The following TESK2 variants were observed in gnomAD, a reference collection of about 807,000 sequenced individuals.
The protein encoded by TESK2 is testis associated actin remodelling kinase 2.
Under a neutral mutation model 57.1 loss-of-function variants are expected in TESK2, and 39 were observed. That is an observed-to-expected ratio of 0.68 (90% CI 0.53 to 0.89). The LOEUF (loss-of-function observed/expected upper bound fraction) is 0.89. Ranked by LOEUF, TESK2 falls within the 40% of genes least tolerant of loss-of-function variation. TESK2 has a pLI of 0.00. For synonymous variants in TESK2, 249 were observed against 267.9 expected, an observed-to-expected ratio of 0.93 and a Z score of 0.69; for missense variants, 646 against 732.1, an observed-to-expected ratio of 0.88 and a Z score of 1.36.
At chr1:45,485,527 T>A (rs1288232883) in intron 1 of TESK2, among the ~76,000 whole-genome samples, 1 of 146,578 alleles carries the variant, frequency 6.8e-6, no homozygotes, top group Non-Finnish European at 1.5e-5. Context: ...TATTTTATTT[T>A]TTTTTTTTTG....
chr1:45,345,235 C>T lies in TESK2; in HGVS notation c.1321G>A (p.Ala441Thr). The stretch of plus-strand genomic sequence containing the variant: ...GGGGCCAGGGGCTCCTGCCAGTCAG[C>T]CAGGGGCATAGTTCCGGGCCCTGGT... ...DAPGPGTMPL[A>T]DWQEPLAPPI... The change falls in exon 11 of 11, where the codon GCT becomes ACT. Residue 441 changes from alanine (A) to threonine (T), a missense_variant. By Grantham distance (58) the Ala-to-Thr change is moderately conservative. Coordinates refer to ENST00000372086, the MANE Select transcript of TESK2 (RefSeq NM_007170.3). 6.2e-7 allele frequency: 1 copy of T among 1,614,186 alleles called. No individual in the cohort carries two copies. Among genetic ancestry groups the T allele is most frequent in the Non-Finnish European group, 8.5e-7 (1 of 1,180,044 alleles).
At chr1:45,443,694 T>C (rs1390749410) in intron 2 of TESK2, among the ~76,000 whole-genome samples, 1 of 151,976 alleles carries the variant, frequency 6.6e-6, no homozygotes, top group Admixed American at 6.6e-5. Context: ...GTCCTTAAGT[T>C]ACCTGCACTA....
intron 1 of TESK2, among the ~76,000 whole-genome samples, chr1:45,478,394 T>TCCCAGAC (rs1443570758): frequency 4.6e-5 from 7 of 152,220 alleles, no homozygotes; most frequent in African/African-American, 1.7e-4. Flanking sequence ...GACTATGAGC[T>TCCCAGAC]TCCAGACTAT....
At chr1:45,429,828 T>C (rs931580558) in intron 2 of TESK2, among the ~76,000 whole-genome samples, 3 of 152,144 alleles carry the variant, frequency 2.0e-5, no homozygotes, top group Admixed American at 6.5e-5. Flanking sequence ...CTGAAGTTAG[T>C]TGATACTAAC....
chr1:45,357,559 TAAAA>T (rs775657953), intron 4 of TESK2, among the ~76,000 whole-genome samples: 1 of 115,032 alleles, frequency 8.7e-6, no homozygotes. Flanking sequence ...GCTTTTTTAG[TAAAA>T]AAAAAAAAAA....
At chr1:45,408,131 C>T (rs553343003) in intron 3 of TESK2, among the ~76,000 whole-genome samples, 41 of 152,222 alleles carry the variant, frequency 2.7e-4, no homozygotes, top group Non-Finnish European at 5.1e-4. Flanking sequence ...TTGTTTACTT[C>T]CCTGTTTTGA....
At chr1:45,366,601 C>T (rs759876625) in intron 4 of TESK2, among the ~76,000 whole-genome samples, 12 of 152,140 alleles carry the variant, frequency 7.9e-5, no homozygotes, top group Non-Finnish European at 1.5e-4. Flanking sequence ...TGTACTATAA[C>T]ATTTATGGCA....
chr1:45,432,430 G>C (rs1019042421), intron 2 of TESK2, among the ~76,000 whole-genome samples: 7 of 151,810 alleles, frequency 4.6e-5, no homozygotes, highest in African/African-American at 1.7e-4. Context: ...GGTGGCTCAC[G>C]CCTGTAATCC....
rs1301535491 is a variant in TESK2, at chr1:45,491,072, C to T, written c.-307G>A. On this transcript the variant is annotated 5_prime_UTR_variant, in exon 1 of 11. Coordinates refer to ENST00000372086, the MANE Select transcript of TESK2 (RefSeq NM_007170.3). ...CATGGCCCCACAGTCGGGGCCGCTC[C>T]CCCCGCCTGTTTGGCGGGGCCAGGA... is the stretch of plus-strand genomic sequence containing the variant. The T allele has an allele frequency of 6.6e-6, 1 of 152,266 alleles. No individual in the cohort carries two copies. The highest frequency in any genetic ancestry group is 2.4e-5 in the African/African-American group (1 of 41,460). 9.4% of individuals were successfully genotyped at this position (152,266 alleles called of 1,614,324 possible).
chr1:45,383,259 G>T (rs4660852), intron 4 of TESK2, among the ~76,000 whole-genome samples: 40,779 of 152,018 alleles, frequency 0.27, 5,768 homozygotes, highest in Admixed American at 0.4. Context: ...ATATAGTTGT[G>T]CTGCCAAGTC....
At chr1:45,465,953 T>G (rs1652533570) in intron 1 of TESK2, among the ~76,000 whole-genome samples, 1 of 152,026 alleles carries the variant, frequency 6.6e-6, no homozygotes, top group Admixed American at 6.6e-5. Context: ...AAAATTTAAT[T>G]CAAGAAAAGG....
At chr1:45,436,463 G>A (rs1651230238) in intron 2 of TESK2, among the ~76,000 whole-genome samples, 1 of 138,746 alleles carries the variant, frequency 7.2e-6, no homozygotes, top group Non-Finnish European at 1.5e-5. Flanking sequence ...GGGATCATGA[G>A]CCACCGTGCC....
At chr1:45,418,476 A>G (rs1650337661) in intron 3 of TESK2, among the ~76,000 whole-genome samples, 1 of 152,208 alleles carries the variant, frequency 6.6e-6, no homozygotes, top group South Asian at 2.1e-4. Context: ...TTTCTGGATA[A>G]TTTGACCCAA....
intron 3 of TESK2, among the ~76,000 whole-genome samples, chr1:45,407,763 G>A (rs113181359): frequency 2.8e-4 from 42 of 152,218 alleles, no homozygotes; most frequent in African/African-American, 9.4e-4. Flanking sequence ...GTGGAACTAC[G>A]AGTCCATTAA....
intron 2 of TESK2, among the ~76,000 whole-genome samples, chr1:45,423,773 T>C (rs1650578974): frequency 6.6e-6 from 1 of 152,152 alleles, no homozygotes; most frequent in Admixed American, 6.5e-5. Context: ...GTATTCGCCC[T>C]CTATAGAACT....
rs748089971 is a variant in TESK2, at chr1:45,462,568, G to A, written c.-86-4697C>T. Among the ~76,000 whole-genome samples, 5 of 152,244 alleles carry A rather than the reference G, an allele frequency of 3.3e-5. No homozygotes were observed. The South Asian group carries it at 6.2e-4, about 19-fold the overall frequency. On this transcript the variant is annotated intron_variant, in intron 1 of 10. Coordinates refer to ENST00000372086, the MANE Select transcript of TESK2 (RefSeq NM_007170.3). ...ATTACAGGCGTGAGCCACCGCGCCCGGCAGAGGATCTCATTTTTTTATGGC... is the reference window on the plus strand; with the variant it reads ...ATTACAGGCGTGAGCCACCGCGCCCAGCAGAGGATCTCATTTTTTTATGGC...
Position 45,488,047 on chromosome 1 carries a change from G to A in TESK2, c.-87+2805C>T, listed in dbSNP as rs183174931. On this transcript the variant is annotated intron_variant, in intron 1 of 10. Coordinates refer to ENST00000372086, the MANE Select transcript of TESK2 (RefSeq NM_007170.3). Reference sequence around the variant, plus strand: ...TCCCACCTCAGCCTCTCCAGTAGCTGGGACAACAGGCATGCACCACCACAC... The same window carrying A: ...TCCCACCTCAGCCTCTCCAGTAGCTAGGACAACAGGCATGCACCACCACAC... Among the ~76,000 whole-genome samples, 476 of 151,760 alleles carry A rather than the reference G, an allele frequency of 3.1e-3. 2 individuals carry two copies. Among genetic ancestry groups the A allele is most frequent in the Admixed American group, 0.013 (203 of 15,216 alleles).
At chr1:45,403,245 A>AG (rs535898096) in intron 3 of TESK2, among the ~76,000 whole-genome samples, 2 of 151,738 alleles carry the variant, frequency 1.3e-5, no homozygotes, top group Non-Finnish European at 2.9e-5. Context: ...AAAAAAAAAA[A>AG]AAAGAAAGAA....
intron 1 of TESK2, among the ~76,000 whole-genome samples, chr1:45,475,209 CTTT>C (rs375872140): frequency 6.2e-5 from 7 of 113,152 alleles, no homozygotes; most frequent in Admixed American, 9.2e-5. Flanking sequence ...TTAGCCTGGC[CTTT>C]TTTTTTTTTT....
Sources: gnomAD v4.1 joint callset for allele counts (sites outside exome capture counted in the v4.1 genomes callset) on GRCh38, gnomAD v4.1.1 for gene constraint, MANE v1.5 for transcripts, NCBI Gene and HGNC (gene_info 2026-07-23, HGNC 2026-07-21) for gene names.